Variants in LOC400499 observed in about 807,000 individuals in gnomAD.
the LOC400499 span, among the ~76,000 whole-genome samples, chr16:11,386,411 C>G: frequency 6.6e-6 from 1 of 152,256 alleles, no homozygotes; most frequent in South Asian, 2.1e-4. Flanking sequence ...ACACATGGAA[C>G]TTGAAGACCA....
chr16:11,397,997 G>A, the LOC400499 span, among the ~76,000 whole-genome samples: 1 of 152,140 alleles, frequency 6.6e-6, no homozygotes, highest in Non-Finnish European at 1.5e-5. Flanking sequence ...GGAGGGGAAA[G>A]GGGTTGAGGA....
the LOC400499 span, among the ~76,000 whole-genome samples, chr16:11,381,531 T>C: frequency 1.3e-5 from 2 of 152,196 alleles, no homozygotes; most frequent in Non-Finnish European, 2.9e-5. Context: ...AATAGAGTCT[T>C]TCAGACAGCA....
chr16:11,408,045 C>T, the LOC400499 span, among the ~76,000 whole-genome samples: 3 of 137,186 alleles, frequency 2.2e-5, no homozygotes, highest in South Asian at 7.4e-4. Context: ...TGCAGTGGCA[C>T]GATCTCGGCT....
the LOC400499 span, among the ~76,000 whole-genome samples, chr16:11,448,435 T>G: frequency 6.6e-6 from 1 of 152,164 alleles, no homozygotes. Flanking sequence ...TCCCAACACT[T>G]CGGGAGGCTG....
At chr16:11,510,864 G>A in the LOC400499 span, among the ~76,000 whole-genome samples, 15 of 151,582 alleles carry the variant, frequency 9.9e-5, 1 homozygote, top group Non-Finnish European at 2.1e-4. Context: ...AGCCCAGCGC[G>A]GAACTTCAAG....
At chr16:11,411,219 G>C in the LOC400499 span, 3 of 399,228 alleles carry the variant, frequency 7.5e-6, no homozygotes, top group African/African-American at 4.1e-5. Flanking sequence ...GAACCAGTTA[G>C]GAGCCAGGCA....
At chr16:11,391,993 C>T in the LOC400499 span, 1 of 422,904 alleles carries the variant, frequency 2.4e-6, no homozygotes, top group Non-Finnish European at 4.0e-6. Context: ...CCCACCCTCC[C>T]CTGCTGTGAT....
chr16:11,488,804 G>A, the LOC400499 span: 78 of 398,982 alleles, frequency 2.0e-4, no homozygotes, highest in Non-Finnish European at 3.1e-4. Flanking sequence ...GTCCCGGAGG[G>A]CCCGTTTCAG....
At chr16:11,384,685 G>A in the LOC400499 span, among the ~76,000 whole-genome samples, 11 of 152,338 alleles carry the variant, frequency 7.2e-5, no homozygotes, top group South Asian at 1.9e-3. Context: ...AGAAAGCCCT[G>A]GGCCTCTGTG....
At chr16:11,434,331 G>A in the LOC400499 span, among the ~76,000 whole-genome samples, 2 of 152,192 alleles carry the variant, frequency 1.3e-5, no homozygotes, top group African/African-American at 4.8e-5. Context: ...AGACCAGCCT[G>A]AGCAACATAG....
the LOC400499 span, among the ~76,000 whole-genome samples, chr16:11,436,191 G>A: frequency 0.017 from 2,570 of 152,280 alleles, 86 homozygotes; most frequent in East Asian, 0.16. Context: ...ACCTGAGTCT[G>A]CCTAGCTCTA....
At chr16:11,515,876 GC>G in the LOC400499 span, 6 of 16,898 alleles carry the variant, frequency 3.6e-4, no homozygotes, top group Admixed American at 1.0e-3. Flanking sequence ...GCCCAGCCCA[GC>G]CCAGCCCAGC....
the LOC400499 span, chr16:11,446,533 G>A: frequency 1.3e-6 from 2 of 1,535,198 alleles, no homozygotes; most frequent in Non-Finnish European, 1.7e-6. Context: ...AAAAGTCTCT[G>A]GGGTCTCTGC....
the LOC400499 span, chr16:11,396,393 A>C: frequency 4.8e-5 from 47 of 982,332 alleles, no homozygotes; most frequent in Middle Eastern, 1.1e-3. Context: ...GCAGTTCCTC[A>C]GATAGCCACT....
chr16:11,457,012 C>A, the LOC400499 span: 3 of 1,533,754 alleles, frequency 2.0e-6, no homozygotes, highest in Non-Finnish European at 2.6e-6. Context: ...CGGCAATCCA[C>A]CTGCCTCTCA....
the LOC400499 span, among the ~76,000 whole-genome samples, chr16:11,507,024 C>T: frequency 2.0e-5 from 3 of 152,182 alleles, no homozygotes; most frequent in Admixed American, 6.5e-5. Flanking sequence ...AAAAGACAGC[C>T]GCACAGTGCC....
At chr16:11,464,052 G>A in the LOC400499 span, among the ~76,000 whole-genome samples, 4 of 152,194 alleles carry the variant, frequency 2.6e-5, no homozygotes, top group African/African-American at 7.2e-5. Context: ...TATGGACTCT[G>A]TACAGACATG....
At chr16:11,456,357 A>C in the LOC400499 span, among the ~76,000 whole-genome samples, 4 of 151,414 alleles carry the variant, frequency 2.6e-5, no homozygotes, top group African/African-American at 7.3e-5. Context: ...CGGTGGATTC[A>C]TTTTTTAAAA....
At chr16:11,402,474 G>T in the LOC400499 span, among the ~76,000 whole-genome samples, 1 of 152,180 alleles carries the variant, frequency 6.6e-6, no homozygotes, top group Admixed American at 6.5e-5. Flanking sequence ...ATAAAATTCA[G>T]CAAAGTTGAC....
Sources: gnomAD v4.1 joint callset for allele counts (sites outside exome capture counted in the v4.1 genomes callset) on GRCh38, gnomAD v4.1.1 for gene constraint, MANE v1.5 for transcripts.